COA5: variants seen among roughly 807,000 people sequenced by gnomAD.
The protein encoded by COA5 is protein C2orf64.
In COA5, 11 loss-of-function variants were observed where a neutral mutation model predicts 11.8. That is an observed-to-expected ratio of 0.93 (90% CI 0.59 to 1.54). The LOEUF is 1.54. Among genes scored for constraint, COA5 ranks in the 40% most tolerant of loss-of-function variants. COA5 has a pLI of 0.00. For missense variants in COA5, 87 were observed against 89.2 expected, an observed-to-expected ratio of 0.97 and a Z score of 0.10; for synonymous variants, 38 against 37.5, an observed-to-expected ratio of 1.01 and a Z score of -0.05.
intron 1 of COA5, chr2:98,604,511 G>A (rs1314478850): frequency 3.4e-6 from 1 of 292,078 alleles, no homozygotes; most frequent in Non-Finnish European, 6.5e-6. Context: ...GTGTGAACTG[G>A]GTACCCTAAA....
chr2:98,604,066 C>A, intron 2 of COA5, 42 bp downstream of exon 2: 1 of 1,474,520 alleles, frequency 6.8e-7, no homozygotes, highest in Admixed American at 1.7e-5. Flanking sequence ...CTCCCTATAG[C>A]TAATTTTTAG....
rs142023221 is a variant in COA5 at position 98,606,809 on chromosome 2, C to G, written c.99+1498G>C. ...CAGTCTCCTCACTCTGACACACATA[C>G]AGGCCTTCACACCTGGCTGCAACCT... is the stretch of plus-strand genomic sequence containing the variant. On this transcript the variant is annotated intron_variant, in intron 1 of 2. Transcript: ENST00000328709. Among the ~76,000 whole-genome samples, 633 of 152,344 alleles carry G rather than the reference C, an allele frequency of 4.2e-3. 1 individual carries two copies. The highest frequency in any genetic ancestry group is 0.01 in the Middle Eastern group (3 of 294).
At chr2:98,603,289 GC>G (rs1259514663) in intron 2 of COA5, among the ~76,000 whole-genome samples, 2 of 152,098 alleles carry the variant, frequency 1.3e-5, no homozygotes, top group Non-Finnish European at 2.9e-5. Context: ...GACCAGCCTG[GC>G]CAACATGGTG....
At chr2:98,607,750 G>A (rs553880324) in intron 1 of COA5, among the ~76,000 whole-genome samples, 1 of 152,350 alleles carries the variant, frequency 6.6e-6, no homozygotes, top group African/African-American at 2.4e-5. Context: ...AGTGAAGGAA[G>A]AGTGTAGGGG....
rs561198025 is a variant in COA5, at chr2:98,608,357, G to T, written c.49C>A (p.Leu17Met). 6.2e-6 allele frequency: 10 copies of T among 1,609,988 alleles called. No homozygotes were observed. The Middle Eastern group carries it at 1.7e-3, about 267-fold the overall frequency. ...DKPQGGACAG[L>M]KEDLGACLLQ... is the part of the protein sequence containing the mutation. ...AGACACGCGCCCAGGTCCTCCTTCAGGCCCGCGCACGCGCCGCCCTGCGGC... is the reference window on the plus strand; with the variant it reads ...AGACACGCGCCCAGGTCCTCCTTCATGCCCGCGCACGCGCCGCCCTGCGGC... Residue 17 changes from leucine (L) to methionine (M), a missense_variant, in exon 1 of 3, where the codon CTG becomes ATG. Coordinates refer to ENST00000328709, the MANE Select transcript of COA5 (RefSeq NM_001008215.3).
At chr2:98,604,028 T>G (rs1559144679) in intron 2 of COA5, 80 bp downstream of exon 2, 6 of 1,035,080 alleles carry the variant, frequency 5.8e-6, no homozygotes, top group Non-Finnish European at 7.6e-6. Flanking sequence ...AACTTACCTA[T>G]AACTATTAAG....
rs1285057544 is a variant in COA5 at position 98,600,742 on chromosome 2, A to G, written c.*10T>C. On this transcript the variant is annotated 3_prime_UTR_variant, in exon 3 of 3. Coordinates refer to ENST00000328709, the MANE Select transcript of COA5 (RefSeq NM_001008215.3). Reference sequence around the variant, plus strand: ...TTTGTTGTTTTCCATGTTGGCTTCAACATAATGCATCAATATCCTTTTCTT... The same window carrying G: ...TTTGTTGTTTTCCATGTTGGCTTCAGCATAATGCATCAATATCCTTTTCTT... The G allele has an allele frequency of 2.5e-6, 4 of 1,609,136 alleles. No homozygotes were observed. Among genetic ancestry groups the G allele is most frequent in the Non-Finnish European group, 3.4e-6 (4 of 1,176,362 alleles).
chr2:98,606,418 T>C (rs1700705864), intron 1 of COA5, among the ~76,000 whole-genome samples: 1 of 152,258 alleles, frequency 6.6e-6, no homozygotes, highest in Non-Finnish European at 1.5e-5. Context: ...GAACTGCTTA[T>C]AAGCATCACG....
chr2:98,606,257 C>G (rs1278216739), intron 1 of COA5, among the ~76,000 whole-genome samples: 2 of 152,120 alleles, frequency 1.3e-5, no homozygotes, highest in Non-Finnish European at 2.9e-5. Flanking sequence ...TTTCAGAGTC[C>G]CCAGTGAGGA....
chr2:98,604,845 G>A (rs975134277), intron 1 of COA5: 6 of 152,456 alleles, frequency 3.9e-5, no homozygotes, highest in African/African-American at 1.4e-4. Context: ...CTGTATGTCT[G>A]CCTGGGTCCT....
In COA5 at chr2:98,599,788, TG is replaced by T. The variant is rs770965058; in HGVS notation, c.*963del. The T allele has an allele frequency of 4.6e-5, 7 of 152,286 alleles. No individual in the cohort carries two copies. The highest frequency in any genetic ancestry group is 8.8e-5 in the Non-Finnish European group (6 of 68,056). The allele number at this position is 152,286 out of a possible 1,614,324, so 9.4% of individuals were successfully genotyped here. On this transcript the variant is annotated 3_prime_UTR_variant, in exon 3 of 3. Coordinates refer to ENST00000328709, the MANE Select transcript of COA5 (RefSeq NM_001008215.3). ...TCAACCACTTCATGGTTTTCATTCT[TG>T]CTTTCTATAGTGAACATCTGTTGTT...
chr2:98,603,438 G>A lies in COA5; in HGVS notation c.183+670C>T, dbSNP rs140253303. ...AGAGGTTGCAGTGATCTGAGATTGCGCCACTGCACTCCAGCCTGGTGACAA... is the reference window on the plus strand; with the variant it reads ...AGAGGTTGCAGTGATCTGAGATTGCACCACTGCACTCCAGCCTGGTGACAA... On this transcript the variant is annotated intron_variant, in intron 2 of 2. Transcript: ENST00000328709. Among the ~76,000 whole-genome samples, 789 of 151,980 alleles carry A rather than the reference G, an allele frequency of 5.2e-3. 11 individuals are homozygous for A. The highest frequency in any genetic ancestry group is 0.018 in the African/African-American group (759 of 41,454).
At chr2:98,605,362 C>T (rs1012283115) in intron 1 of COA5, among the ~76,000 whole-genome samples, 12 of 152,236 alleles carry the variant, frequency 7.9e-5, no homozygotes, top group South Asian at 6.2e-4. Flanking sequence ...ATAAGGTTGC[C>T]GGGCCTGATG....
chr2:98,601,662 C>T (rs1228024697), intron 2 of COA5, among the ~76,000 whole-genome samples: 2 of 152,166 alleles, frequency 1.3e-5, no homozygotes, highest in African/African-American at 2.4e-5. Flanking sequence ...GGCCATAGAC[C>T]TGTACCAGTC....
chr2:98,607,349 C>T (rs975309118), intron 1 of COA5, among the ~76,000 whole-genome samples: 2 of 152,166 alleles, frequency 1.3e-5, no homozygotes, highest in African/African-American at 2.4e-5. Flanking sequence ...ACTTCAGTTT[C>T]CTCATTTATA....
rs758762311 is a variant in COA5 at position 98,600,578 on chromosome 2, T to C, written c.*174A>G. 18 of 628,326 alleles carry C rather than the reference T, an allele frequency of 2.9e-5. No individual in the cohort carries two copies. Among genetic ancestry groups the C allele is most frequent in the East Asian group, 2.5e-4 (9 of 35,994 alleles). 38.9% of individuals were successfully genotyped at this position (628,326 alleles called of 1,614,324 possible). ...AAAATAACTTGGATCAAGAGAATCA[T>C]TTACTTTATACATATTCGAAAACAA... On this transcript the variant is annotated 3_prime_UTR_variant, in exon 3 of 3. Transcript: ENST00000328709.
chr2:98,600,322 A>G lies in COA5; in HGVS notation c.*430T>C, dbSNP rs1559143804. The G allele has an allele frequency of 9.8e-6, 2 of 204,590 alleles. No homozygotes were observed. Among genetic ancestry groups the G allele is most frequent in the Non-Finnish European group, 2.0e-5 (2 of 98,930 alleles). The allele number at this position is 204,590 out of a possible 1,614,324, so 12.7% of individuals were successfully genotyped here. A position where few individuals can be genotyped will look rare whatever the true frequency, so the allele number is the denominator to read the frequency against. Reference sequence around the variant, plus strand: ...TCATTTTAGAACTAGACAGGAAAAGACTGAACTAAAGAAAAAGTTTTATCC... The same window carrying G: ...TCATTTTAGAACTAGACAGGAAAAGGCTGAACTAAAGAAAAAGTTTTATCC... On this transcript the variant is annotated 3_prime_UTR_variant, in exon 3 of 3. Transcript: ENST00000328709.
rs576023371 is a variant in COA5, at chr2:98,600,560, C to T, written c.*192G>A. On this transcript the variant is annotated 3_prime_UTR_variant, in exon 3 of 3. Coordinates refer to ENST00000328709, the MANE Select transcript of COA5 (RefSeq NM_001008215.3). ...AATTAGGTTTTTCTTCTAAAAATAA[C>T]TTGGATCAAGAGAATCATTTACTTT... The T allele has an allele frequency of 1.0e-5, 6 of 602,702 alleles. No homozygotes were observed. In the East Asian group the frequency reaches 1.7e-4, roughly 17 times the overall value. 37.3% of individuals were successfully genotyped at this position (602,702 alleles called of 1,614,324 possible).
At chr2:98,600,859 G>T in intron 2 of COA5, 66 bp from the exon 3 acceptor site, 3 of 1,009,694 alleles carry the variant, frequency 3.0e-6, no homozygotes, top group South Asian at 1.3e-5. Context: ...CCCTTACTTT[G>T]GTAAGGGTAT....
Sources: allele counts gnomAD v4.1 joint callset (sites outside exome capture counted in the v4.1 genomes callset), GRCh38; gene constraint gnomAD v4.1.1; transcripts MANE v1.5; gene names NCBI Gene and HGNC (gene_info 2026-07-23, HGNC 2026-07-21).